The following NLRC3 variants were observed in gnomAD, a reference collection of about 807,000 sequenced individuals.
The protein encoded by NLRC3 is NLR family CARD domain-containing protein 3.
In NLRC3, 87 loss-of-function variants were observed where a neutral mutation model predicts 91.6. The ratio of observed to expected loss-of-function variants is 0.95; its 90% confidence interval spans 0.80 to 1.14. The LOEUF is 1.14. Among genes scored for constraint, NLRC3 ranks in the 50% most tolerant of loss-of-function variants. The pLI is 0.00. For synonymous variants in NLRC3, 694 were observed against 625.3 expected (o/e 1.11, Z -1.64); for missense variants, 1,577 against 1,418.6 (o/e 1.11, Z -1.79).
chr16:3,565,206 G>T, intron 3 of NLRC3, 113 bp downstream of exon 3: 1 of 702,506 alleles, frequency 1.4e-6, no homozygotes, highest in Non-Finnish European at 2.5e-6. Flanking sequence ...TGGCCTCTGA[G>T]AATGGACTGG....
Position 3,564,573 on chromosome 16 carries a change from C to T in NLRC3, c.364G>A (p.Val122Ile), listed in dbSNP as rs373474132. ...TRGGGHPART[V>I]ALDRLFLPLS... The stretch of plus-strand genomic sequence containing the variant: ...GGCAGGAAGAGCCGGTCCAGGGCGA[C>T]GGTCCTGGCGGGGTGCCCGCCCCCG... Residue 122 changes from valine (V) to isoleucine (I), a missense_variant, in exon 5 of 20, where the codon GTC becomes ATC. Val to Ile is a conservative substitution (Grantham distance 29). Coordinates refer to ENST00000359128, the MANE Select transcript of NLRC3 (RefSeq NM_178844.4). This position sits in a 1 kb window ranked among gnomAD's most constrained non-coding sequence, Gnocchi z 5.9. The T allele has an allele frequency of 8.1e-6, 13 of 1,611,388 alleles. No individual in the cohort carries two copies. Among genetic ancestry groups the T allele is most frequent in the South Asian group, 2.2e-5 (2 of 91,020 alleles).
chr16:3,576,382 C>A (rs939382985), intron 1 of NLRC3, among the ~76,000 whole-genome samples: 1 of 152,210 alleles, frequency 6.6e-6, no homozygotes, highest in African/African-American at 2.4e-5. Flanking sequence ...ACCCTCCCTG[C>A]CCCTCATGAC....
At chr16:3,547,438 A>AATGGGG (rs201727217) in intron 15 of NLRC3, among the ~76,000 whole-genome samples, 2,667 of 152,210 alleles carry the variant, frequency 0.018, 77 homozygotes, top group African/African-American at 0.057. Flanking sequence ...AGTGAGTGCT[A>AATGGGG]ACGGGGTGAT....
chr16:3,576,488 C>T (rs1398889979), intron 1 of NLRC3, among the ~76,000 whole-genome samples: 1 of 152,170 alleles, frequency 6.6e-6, no homozygotes, highest in East Asian at 1.9e-4. Context: ...AGGAAGGGTG[C>T]CCAGGTCTGC....
rs184428115 is a variant in NLRC3 at position 3,558,572 on chromosome 16, T to A, written c.2016-896A>T. ...AGTTATTTAAAATTAACTTTAAAAT[T>A]AAAAAAAAACCACACACACACACAC... On this transcript the variant is annotated intron_variant, in intron 6 of 19. Transcript: ENST00000359128. Among the ~76,000 whole-genome samples, 13 of 139,558 alleles carry A rather than the reference T, an allele frequency of 9.3e-5. No individual in the cohort carries two copies. In the East Asian group the frequency reaches 2.6e-3, roughly 28 times the overall value. 91.6% of individuals were successfully genotyped at this position (139,558 alleles called of 152,430 possible). A position where few individuals can be genotyped will look rare whatever the true frequency, so the allele number is the denominator to read the frequency against.
intron 6 of NLRC3, 124 bp downstream of exon 6, chr16:3,561,578 C>T: frequency 1.5e-6 from 1 of 648,768 alleles, no homozygotes; most frequent in East Asian, 2.8e-5. Flanking sequence ...CATCTGGAGC[C>T]ACATGCTCCA....
At chr16:3,543,654 C>T in intron 16 of NLRC3, 146 bp from the exon 17 acceptor site, 1 of 637,776 alleles carries the variant, frequency 1.6e-6, no homozygotes, top group Admixed American at 2.3e-5. Context: ...TCTAGGCACT[C>T]CATCTCCTAC....
At chr16:3,560,393 A>G (rs914393661) in intron 6 of NLRC3, among the ~76,000 whole-genome samples, 1 of 152,042 alleles carries the variant, frequency 6.6e-6, no homozygotes, top group African/African-American at 2.4e-5. Flanking sequence ...ACTGCACTCC[A>G]GCCTGCCCAA....
In NLRC3 at chr16:3,564,148, G is replaced by T. The variant is rs755054537; in HGVS notation, c.789C>A (p.Ile263=). 6.2e-6 allele frequency: 10 copies of T among 1,613,710 alleles called. No individual in the cohort carries two copies. The South Asian group carries it at 1.1e-4, about 18-fold the overall frequency. ...ATGCACTGGGACGGGAGGTGATCCAGATGGAAACTTCCGGAAAGAGGTTGC... is the reference window on the plus strand; with the variant it reads ...ATGCACTGGGACGGGAGGTGATCCATATGGAAACTTCCGGAAAGAGGTTGC... The part of the protein sequence containing the change: ...IRGNLFPEVS[I]WITSRPSASG... The change falls in exon 5 of 20, where the codon ATC becomes ATA. Residue 263 remains isoleucine (I), a synonymous_variant. Coordinates refer to ENST00000359128, the MANE Select transcript of NLRC3 (RefSeq NM_178844.4). This position sits in a 1 kb window ranked among gnomAD's most constrained non-coding sequence, Gnocchi z 5.9.
chr16:3,548,432 T>A (rs1365217812), intron 14 of NLRC3, among the ~76,000 whole-genome samples: 1 of 152,154 alleles, frequency 6.6e-6, no homozygotes, highest in East Asian at 1.9e-4. Context: ...AAAAGACACC[T>A]CCAAATGGCC....
chr16:3,551,775 C>T (rs2151088450), intron 10 of NLRC3, among the ~76,000 whole-genome samples: 1 of 151,872 alleles, frequency 6.6e-6, no homozygotes, highest in African/African-American at 2.4e-5. Context: ...ACCCATCCAT[C>T]CATCCATCCA....
At chr16:3,571,510 A>G (rs1245006540) in intron 1 of NLRC3, among the ~76,000 whole-genome samples, 1 of 150,002 alleles carries the variant, frequency 6.7e-6, no homozygotes, top group African/African-American at 2.5e-5. Flanking sequence ...TGCCACTGCA[A>G]TCCAGCTTGG....
At chr16:3,572,782 G>A (rs533902220) in intron 1 of NLRC3, among the ~76,000 whole-genome samples, 1 of 152,172 alleles carries the variant, frequency 6.6e-6, no homozygotes, top group Non-Finnish European at 1.5e-5. Context: ...GGAGGCCAAG[G>A]CAGGCAGATC....
chr16:3,574,888 G>A (rs2040228288), intron 1 of NLRC3, among the ~76,000 whole-genome samples: 1 of 152,160 alleles, frequency 6.6e-6, no homozygotes, highest in Admixed American at 6.5e-5. Context: ...CCTGAACTCA[G>A]GAGGTGGAGG....
intron 10 of NLRC3, among the ~76,000 whole-genome samples, chr16:3,551,814 CCCAT>C (rs766775627): frequency 7.4e-5 from 11 of 149,270 alleles, no homozygotes; most frequent in East Asian, 2.0e-4. Context: ...CATTCATTCA[CCCAT>C]CCATCCATCC....
At chr16:3,562,821 T>TGATTTGA (rs1025730661) in intron 5 of NLRC3, 188 bp downstream of exon 5, 3 of 690,766 alleles carry the variant, frequency 4.3e-6, no homozygotes, top group Non-Finnish European at 7.9e-6. Context: ...CCTGGCACCT[T>TGATTTGA]GATTTGAGAC....
At chr16:3,549,289 C>G (rs1465387559) in intron 12 of NLRC3, 64 bp from the exon 13 acceptor site, 2 of 1,250,678 alleles carry the variant, frequency 1.6e-6, no homozygotes, top group Non-Finnish European at 2.3e-6. Flanking sequence ...AAAGCCAAGC[C>G]CAGGTGTTTA....
In NLRC3 at chr16:3,564,697, C is replaced by T. The variant is rs1226498069; in HGVS notation, c.240G>A (p.Leu80=). ...LLSKVGGGPE[L]GGPWHRLASL... ...AGGCCAGCCTGTGCCAGGGTCCGCC[C>T]AGCTCCGGGCCACCTCCCACCTTGC... The change falls in exon 5 of 20, where the codon CTG becomes CTA. Residue 80 remains leucine, a synonymous_variant. Coordinates refer to ENST00000359128, the MANE Select transcript of NLRC3 (RefSeq NM_178844.4). The surrounding 1 kb of genome is among the most constrained non-coding windows in gnomAD (Gnocchi z 5.9). 3.8e-6 allele frequency: 6 copies of T among 1,599,212 alleles called. No homozygotes were observed. The highest frequency in any genetic ancestry group is 4.2e-6 in the Non-Finnish European group (5 of 1,178,082).
intron 10 of NLRC3, among the ~76,000 whole-genome samples, chr16:3,551,200 C>T (rs987040167): frequency 1.3e-5 from 2 of 151,542 alleles, no homozygotes; most frequent in South Asian, 4.2e-4. Flanking sequence ...ATCTACCCAC[C>T]CATCCATTCA....
Sources: allele counts gnomAD v4.1 joint callset (sites outside exome capture counted in the v4.1 genomes callset), GRCh38; gene constraint gnomAD v4.1.1; non-coding constraint Gnocchi (gnomAD v3.1); transcripts MANE v1.5; gene names NCBI Gene and HGNC (gene_info 2026-07-23, HGNC 2026-07-21).